The following GRM8 variants were observed in gnomAD, a reference collection of about 807,000 sequenced individuals.
The protein encoded by GRM8 is glutamate metabotropic receptor 8, also known as metabotropic glutamate receptor 8.
A neutral mutation model predicts 87.2 loss-of-function variants in GRM8; 47 were observed. The observed-to-expected ratio is 0.54, with a 90% CI of 0.43 to 0.69. The LOEUF is 0.69. Ranked by LOEUF, GRM8 falls within the 30% of genes least tolerant of loss-of-function variation. The pLI is 0.00. For missense variants in GRM8, 1,019 were observed against 1,139.2 expected (o/e 0.89, Z 1.52); for synonymous variants, 396 against 404.5 (o/e 0.98, Z 0.25).
chr7:126,467,261 T>C (rs976335209), intron 9 of GRM8, among the ~76,000 whole-genome samples: 4 of 151,918 alleles, frequency 2.6e-5, no homozygotes, highest in African/African-American at 9.7e-5. Flanking sequence ...TTTCTGTTCC[T>C]GTGTTAGTTT....
rs75783028 is a variant in GRM8, at chr7:126,528,263, G to C, written c.2430+4689C>G. On this transcript the variant is annotated intron_variant, in intron 9 of 10. Transcript: ENST00000339582. Reference sequence around the variant, plus strand: ...AATAAGAAAACACTTTCAGTTGGGGGTCTGCTCAGATATGGTCTAAATGGC... The same window carrying C: ...AATAAGAAAACACTTTCAGTTGGGGCTCTGCTCAGATATGGTCTAAATGGC... 6.4e-3 allele frequency among the ~76,000 whole-genome samples: 981 copies of C among 152,226 alleles called. 9 individuals carry two copies. The highest frequency in any genetic ancestry group is 9.8e-3 in the Non-Finnish European group (666 of 67,996).
At chr7:126,585,474 C>T (rs1431676234) in intron 8 of GRM8, among the ~76,000 whole-genome samples, 1 of 152,026 alleles carries the variant, frequency 6.6e-6, no homozygotes. Context: ...GCCAATTCTT[C>T]AATAAACTAA....
chr7:126,676,853 TA>T (rs944271159), intron 7 of GRM8, among the ~76,000 whole-genome samples: 3 of 151,812 alleles, frequency 2.0e-5, no homozygotes, highest in African/African-American at 7.3e-5. Flanking sequence ...GCGAATGCAA[TA>T]AAAAGAAATA....
intron 2 of GRM8, among the ~76,000 whole-genome samples, chr7:127,216,005 T>C (rs1000113856): frequency 1.3e-5 from 2 of 152,236 alleles, no homozygotes; most frequent in Non-Finnish European, 1.5e-5. Context: ...GAGAGAGCTT[T>C]GCCACTTTGT....
At chr7:127,009,931 C>A (rs1814710787) in intron 3 of GRM8, among the ~76,000 whole-genome samples, 1 of 152,026 alleles carries the variant, frequency 6.6e-6, no homozygotes. Flanking sequence ...GCAACCTCTG[C>A]TTCCTGGGTT....
intron 9 of GRM8, among the ~76,000 whole-genome samples, chr7:126,507,097 G>A (rs1294839110): frequency 1.3e-5 from 2 of 151,716 alleles, no homozygotes; most frequent in Admixed American, 6.6e-5. Flanking sequence ...TAATTTTCTC[G>A]TGGCAATATG....
chr7:127,038,089 C>T (rs1197458287), intron 3 of GRM8, among the ~76,000 whole-genome samples: 1 of 152,100 alleles, frequency 6.6e-6, no homozygotes. Flanking sequence ...GATTTGCATA[C>T]TGAATGTTGT....
chr7:127,204,995 G>A (rs545145839), intron 2 of GRM8, among the ~76,000 whole-genome samples: 2 of 152,264 alleles, frequency 1.3e-5, no homozygotes, highest in Admixed American at 6.5e-5. Context: ...CGCTGACAGC[G>A]GTCACACAGG....
chr7:127,040,870 G>T (rs968039492), intron 3 of GRM8, among the ~76,000 whole-genome samples: 4 of 152,168 alleles, frequency 2.6e-5, no homozygotes, highest in Non-Finnish European at 5.9e-5. Flanking sequence ...ATGAGGAAGA[G>T]AATGGGAAAA....
intron 3 of GRM8, among the ~76,000 whole-genome samples, chr7:127,029,966 C>T (rs1490354354): frequency 6.6e-6 from 1 of 152,100 alleles, no homozygotes; most frequent in Non-Finnish European, 1.5e-5. Context: ...CCATTATCAA[C>T]ACTCAAAAGA....
intron 6 of GRM8, among the ~76,000 whole-genome samples, chr7:126,859,578 T>A (rs1466817622): frequency 6.6e-6 from 1 of 152,236 alleles, no homozygotes; most frequent in Non-Finnish European, 1.5e-5. Context: ...GTACCATTCA[T>A]GTTTAAGAGC....
chr7:127,142,771 T>C (rs1382697060), intron 2 of GRM8, among the ~76,000 whole-genome samples: 1 of 152,106 alleles, frequency 6.6e-6, no homozygotes, highest in Non-Finnish European at 1.5e-5. Context: ...ATTCAACAAC[T>C]ATTTATTGAG....
intron 6 of GRM8, among the ~76,000 whole-genome samples, chr7:126,860,862 GC>G (rs774912150): frequency 4.2e-4 from 64 of 151,910 alleles, no homozygotes; most frequent in Admixed American, 7.2e-4. Flanking sequence ...ATGTTCTGTT[GC>G]TTTTCTGGAA....
intron 3 of GRM8, among the ~76,000 whole-genome samples, chr7:126,993,519 AC>A (rs1166785606): frequency 6.6e-6 from 1 of 152,218 alleles, no homozygotes; most frequent in East Asian, 1.9e-4. Flanking sequence ...TTCATAAAAA[AC>A]AAAAATCAGG....
chr7:127,079,099 A>G (rs1822582934), intron 3 of GRM8, among the ~76,000 whole-genome samples: 1 of 152,066 alleles, frequency 6.6e-6, no homozygotes, highest in Admixed American at 6.6e-5. Flanking sequence ...TTATATATAC[A>G]TGTGGGCTTT....
Position 126,533,737 on chromosome 7 carries a change from C to T in GRM8, c.1645G>A (p.Asp549Asn). The change falls in exon 9 of 11, where the codon GAT becomes AAT. Residue 549 changes from aspartate to asparagine, a missense_variant. Transcript: ENST00000339582. ...GGGCAAAGTTCACAGGACAGCTCATCCACCTGGTAGTTGTAACCTTCACAG... is the reference window on the plus strand; with the variant it reads ...GGGCAAAGTTCACAGGACAGCTCATTCACCTGGTAGTTGTAACCTTCACAG... ...ERCEGYNYQVDELSCELCPLD... is the reference protein window; with the variant it reads ...ERCEGYNYQVNELSCELCPLD... 2 of 1,614,112 alleles carry T rather than the reference C, an allele frequency of 1.2e-6. No individual in the cohort carries two copies. Among genetic ancestry groups the T allele is most frequent in the South Asian group, 2.2e-5 (2 of 91,078 alleles).
At chr7:126,657,644 G>A (rs2402820) in intron 7 of GRM8, among the ~76,000 whole-genome samples, 47,625 of 152,152 alleles carry the variant, frequency 0.31, 8,001 homozygotes, top group Admixed American at 0.41. Context: ...GCAGGCTTTA[G>A]GAAGAAAGTG....
chr7:126,491,582 G>T (rs896997439), intron 9 of GRM8, among the ~76,000 whole-genome samples: 3 of 151,928 alleles, frequency 2.0e-5, no homozygotes, highest in Non-Finnish European at 4.4e-5. Context: ...AAGTAATGGG[G>T]CCTCATACAA....
At chr7:126,558,806 T>C (rs1793408412) in intron 8 of GRM8, among the ~76,000 whole-genome samples, 1 of 152,114 alleles carries the variant, frequency 6.6e-6, no homozygotes, top group Admixed American at 6.6e-5. Context: ...CTAAATGGCC[T>C]GTACAAAGAG....
Sources: gnomAD v4.1 joint callset for allele counts (sites outside exome capture counted in the v4.1 genomes callset) on GRCh38, gnomAD v4.1.1 for gene constraint, MANE v1.5 for transcripts, NCBI Gene and HGNC (gene_info 2026-07-23, HGNC 2026-07-21) for gene names.